Variants in ANKRD36B observed in about 807,000 individuals in gnomAD.
ANKRD36B encodes ankyrin repeat domain 36B, also known as ankyrin repeat domain-containing protein 36B.
ANKRD36B carries 37 observed loss-of-function variants against 135.7 expected under a neutral mutation model. That is an observed-to-expected ratio of 0.27 (90% CI 0.21 to 0.36). ANKRD36B has a LOEUF of 0.36. ANKRD36B is among the 10% of genes least tolerant of loss of function. The probability of loss-of-function intolerance (pLI) is 1.00; values close to 1 mark genes in which losing one functional copy is unlikely to be tolerated. For missense variants in ANKRD36B, 549 were observed against 1,037.1 expected (o/e 0.53, Z 6.46); for synonymous variants, 179 against 348.1 (o/e 0.51, Z 5.41).
chr2:97,562,993 T>C (rs1234979427), intron 6 of ANKRD36B, among the ~76,000 whole-genome samples: 3 of 151,954 alleles, frequency 2.0e-5, no homozygotes. Flanking sequence ...ATCTTACCTG[T>C]TTTCCTCTCC....
Position 97,576,142 on chromosome 2 carries a change from G to A in ANKRD36B, c.763+237C>T, listed in dbSNP as rs112067088. Among the ~76,000 whole-genome samples, 1,320 of 150,476 alleles carry A rather than the reference G, an allele frequency of 8.8e-3. 18 individuals are homozygous for A. The highest frequency in any genetic ancestry group is 0.03 in the African/African-American group (1,232 of 40,972). On this transcript the variant is annotated intron_variant, in intron 6 of 43. Coordinates refer to ENST00000359901, the MANE Select transcript of ANKRD36B (RefSeq NM_001393939.1). ...TTTGTTTTCTTATTTACACAAAAAG[G>A]TCATCTAGAATACTAGGAACGATAA...
At chr2:97,548,283 C>G (rs1476335627) in intron 20 of ANKRD36B, among the ~76,000 whole-genome samples, 1 of 151,776 alleles carries the variant, frequency 6.6e-6, no homozygotes, top group Admixed American at 6.6e-5. Flanking sequence ...TTGCTGATAC[C>G]AAGTAGATAA....
intron 8 of ANKRD36B, among the ~76,000 whole-genome samples, chr2:97,560,205 C>A (rs1391500379): frequency 6.6e-6 from 1 of 151,900 alleles, no homozygotes; most frequent in East Asian, 1.9e-4. Context: ...CACAATCCCT[C>A]TTCCTTGAGG....
At chr2:97,569,331 C>T (rs2081660991) in intron 6 of ANKRD36B, among the ~76,000 whole-genome samples, 1 of 151,948 alleles carries the variant, frequency 6.6e-6, no homozygotes, top group African/African-American at 2.4e-5. Flanking sequence ...AAAAGATATC[C>T]ACTATGTTAT....
intron 6 of ANKRD36B, among the ~76,000 whole-genome samples, chr2:97,569,344 T>C (rs2081662962): frequency 6.6e-6 from 1 of 152,212 alleles, no homozygotes; most frequent in South Asian, 2.1e-4. Flanking sequence ...TATGTTATCC[T>C]TAATATATGA....
At chr2:97,552,406 C>G (rs10209302) in intron 16 of ANKRD36B, among the ~76,000 whole-genome samples, 83,971 of 151,178 alleles carry the variant, frequency 0.56, 24,895 homozygotes, top group Non-Finnish European at 0.67. Context: ...GTAGCTCCTT[C>G]AACAAGGAAG....
chr2:97,552,721 T>C (rs2080174882), intron 16 of ANKRD36B, among the ~76,000 whole-genome samples: 1 of 151,950 alleles, frequency 6.6e-6, no homozygotes, highest in Non-Finnish European at 1.5e-5. Flanking sequence ...AAATAATTGC[T>C]ACATCAGGGG....
intron 6 of ANKRD36B, among the ~76,000 whole-genome samples, chr2:97,561,725 T>A (rs2081042140): frequency 6.6e-6 from 1 of 152,002 alleles, no homozygotes; most frequent in Non-Finnish European, 1.5e-5. Context: ...CTGGTTAAAG[T>A]ATCATGTTAT....
In ANKRD36B at chr2:97,545,814, CA is replaced by C; in HGVS notation, c.1608+18del. On this transcript the variant is annotated intron_variant, in intron 23 of 43. Coordinates refer to ENST00000359901, the MANE Select transcript of ANKRD36B (RefSeq NM_001393939.1). ...ACTATACAGTTAATAGTTCAAAATA[CA>C]AAAGAGAGTTTAATTACCTTCAAGG... 1.0e-6 allele frequency: 1 copy of C among 961,712 alleles called. No homozygotes were observed. Among genetic ancestry groups the C allele is most frequent in the South Asian group, 1.2e-5 (1 of 84,616 alleles). The allele number at this position is 961,712 out of a possible 1,614,324, so 59.6% of individuals were successfully genotyped here.
At chr2:97,545,812 T>C in intron 23 of ANKRD36B, 21 bp downstream of exon 23, 1 of 962,314 alleles carries the variant, frequency 1.0e-6, no homozygotes, top group South Asian at 1.2e-5. Flanking sequence ...TAGTTCAAAA[T>C]ACAAAAGAGA....
At chr2:97,550,691 C>A (rs1204720335) in intron 18 of ANKRD36B, among the ~76,000 whole-genome samples, 2 of 151,878 alleles carry the variant, frequency 1.3e-5, no homozygotes, top group Admixed American at 6.6e-5. Flanking sequence ...CTGCTTCCAG[C>A]ACTTGCTGGA....
intron 1 of ANKRD36B, among the ~76,000 whole-genome samples, chr2:97,586,088 A>C (rs2082963263): frequency 6.6e-6 from 1 of 152,204 alleles, no homozygotes; most frequent in Non-Finnish European, 1.5e-5. Context: ...ATTAAGTGGG[A>C]TACAGTTCAT....
Position 97,580,011 on chromosome 2 carries a change from A to T in ANKRD36B, c.557+451T>A, listed in dbSNP as rs187836310. On this transcript the variant is annotated intron_variant, in intron 4 of 43. Transcript: ENST00000359901. ...CTTGTCTTCATTGAAGTAAAGTTTT[A>T]TCCATCTAAAGCTATCTTTTTTCCC... Among the ~76,000 whole-genome samples, 132 of 152,388 alleles carry T rather than the reference A, an allele frequency of 8.7e-4. 3 individuals carry two copies. The East Asian group carries it at 0.013, about 15-fold the overall frequency.
At chr2:97,585,175 G>A (rs1335200850) in intron 2 of ANKRD36B, 58 bp from the exon 3 acceptor site, 14 of 1,612,668 alleles carry the variant, frequency 8.7e-6, no homozygotes, top group Admixed American at 3.3e-5. Flanking sequence ...TAAACACTCC[G>A]TAGGATTTCC....
At chr2:97,580,223 T>C (rs2082538877) in intron 4 of ANKRD36B, among the ~76,000 whole-genome samples, 1 of 152,354 alleles carries the variant, frequency 6.6e-6, no homozygotes, top group African/African-American at 2.4e-5. Flanking sequence ...ATAGAAGCCT[T>C]TTATGTGTAT....
At chr2:97,496,329 A>G (rs2077304629) in intron 43 of ANKRD36B, among the ~76,000 whole-genome samples, 1 of 96,270 alleles carries the variant, frequency 1.0e-5, no homozygotes, top group African/African-American at 2.8e-5. Context: ...GAGGTTTAAG[A>G]AAAGAATCTT....
Position 97,529,642 on chromosome 2 carries a change from T to C in ANKRD36B, c.2265+2669A>G, listed in dbSNP as rs2104439348. Reference sequence around the variant, plus strand: ...CCTGTTTGCAGACGACATGATTGTATATCTAGAAAACCCCATTGTCTCAGC... The same window carrying C: ...CCTGTTTGCAGACGACATGATTGTACATCTAGAAAACCCCATTGTCTCAGC... On this transcript the variant is annotated intron_variant, in intron 35 of 43. Coordinates refer to ENST00000359901, the MANE Select transcript of ANKRD36B (RefSeq NM_001393939.1). Among the ~76,000 whole-genome samples, 2 of 96,128 alleles carry C rather than the reference T, an allele frequency of 2.1e-5. 1 individual carries two copies. Among genetic ancestry groups the C allele is most frequent in the East Asian group, 4.6e-4 (2 of 4,344 alleles). The allele number at this position is 96,128 out of a possible 152,430, so 63.1% of individuals were successfully genotyped here. A position where few individuals can be genotyped will look rare whatever the true frequency, so the allele number is the denominator to read the frequency against.
chr2:97,554,211 T>C (rs2080295107), intron 14 of ANKRD36B, among the ~76,000 whole-genome samples: 1 of 151,956 alleles, frequency 6.6e-6, no homozygotes, highest in Admixed American at 6.6e-5. Flanking sequence ...GAACTCAACA[T>C]TATATTTGTT....
In ANKRD36B at chr2:97,535,545, TATA is replaced by T. The variant is rs1354846673; in HGVS notation, c.2191+752_2191+754del. On this transcript the variant is annotated intron_variant, in intron 34 of 43. Coordinates refer to ENST00000359901, the MANE Select transcript of ANKRD36B (RefSeq NM_001393939.1). ...TAATCAGAACATCCGATTGGCTTAA[TATA>T]ATAAGTGTAACAAAATTGACCAGAA... Among the ~76,000 whole-genome samples, 25 of 117,814 alleles carry T rather than the reference TATA, an allele frequency of 2.1e-4. 1 individual carries two copies. Among genetic ancestry groups the T allele is most frequent in the African/African-American group, 4.8e-4 (19 of 39,914 alleles). 77.3% of individuals were successfully genotyped at this position (117,814 alleles called of 152,430 possible).
Sources: gnomAD v4.1 joint callset for allele counts (sites outside exome capture counted in the v4.1 genomes callset) on GRCh38, gnomAD v4.1.1 for gene constraint, MANE v1.5 for transcripts, NCBI Gene and HGNC (gene_info 2026-07-23, HGNC 2026-07-21) for gene names.